TDRD5: variants seen among roughly 807,000 people sequenced by gnomAD.
TDRD5 encodes tudor domain containing 5.
A neutral mutation model predicts 120.6 loss-of-function variants in TDRD5; 41 were observed. The ratio of observed to expected loss-of-function variants is 0.34; its 90% confidence interval spans 0.26 to 0.44. The LOEUF (loss-of-function observed/expected upper bound fraction) is 0.44. Ranked by LOEUF, TDRD5 falls within the 20% of genes least tolerant of loss-of-function variation. TDRD5 has a pLI of 1.00. For synonymous variants in TDRD5, 430 were observed against 433.7 expected (o/e 0.99, Z 0.11); for missense variants, 1,006 against 1,221.2 (o/e 0.82, Z 2.63).
chr1:179,641,949 C>T (rs1306525651), intron 11 of TDRD5, among the ~76,000 whole-genome samples: 1 of 152,012 alleles, frequency 6.6e-6, no homozygotes, highest in African/African-American at 2.4e-5. Flanking sequence ...CATTTTATTT[C>T]CGATAAGTTT....
intron 4 of TDRD5, among the ~76,000 whole-genome samples, chr1:179,599,093 T>C (rs914157042): frequency 6.6e-6 from 1 of 152,152 alleles, no homozygotes; most frequent in African/African-American, 2.4e-5. Flanking sequence ...TTTGTCATGT[T>C]CTTTCTCCAT....
chr1:179,606,861 T>C (rs1302239481), intron 4 of TDRD5, among the ~76,000 whole-genome samples: 1 of 152,172 alleles, frequency 6.6e-6, no homozygotes, highest in Non-Finnish European at 1.5e-5. Flanking sequence ...TCAATAAGTC[T>C]TGAAGTTGGG....
intron 16 of TDRD5, among the ~76,000 whole-genome samples, chr1:179,667,656 A>C (rs1008175204): frequency 1.3e-5 from 2 of 152,240 alleles, no homozygotes; most frequent in African/African-American, 4.8e-5. Context: ...TAAACTTAAA[A>C]GGTAGTTCAA....
At chr1:179,680,592 A>G (rs760413462) in intron 17 of TDRD5, among the ~76,000 whole-genome samples, 3 of 152,196 alleles carry the variant, frequency 2.0e-5, no homozygotes, top group Non-Finnish European at 4.4e-5. Context: ...AGACACTCCA[A>G]ATTTCTTTTG....
At chr1:179,609,623 C>G (rs1316384350) in intron 4 of TDRD5, among the ~76,000 whole-genome samples, 4 of 152,162 alleles carry the variant, frequency 2.6e-5, no homozygotes, top group African/African-American at 9.6e-5. Flanking sequence ...CTGAGCAGAC[C>G]AAGACCTGCA....
At chr1:179,648,456 G>C (rs10047184) in intron 11 of TDRD5, among the ~76,000 whole-genome samples, 6 of 75,854 alleles carry the variant, frequency 7.9e-5, no homozygotes, top group East Asian at 5.8e-4. Context: ...GTGGGGTGGG[G>C]GGGGGGAGGG....
At chr1:179,600,105 A>C (rs1022509728) in intron 4 of TDRD5, among the ~76,000 whole-genome samples, 9 of 152,136 alleles carry the variant, frequency 5.9e-5, no homozygotes, top group African/African-American at 2.2e-4. Flanking sequence ...AGGTGATGAC[A>C]GCTCCATGCA....
At position 179,679,034 on chromosome 1, in the gene TDRD5, C is replaced by G. The variant is rs1474201365; in HGVS notation, c.2860+9630C>G. On this transcript the variant is annotated intron_variant, in intron 17 of 17. Transcript: ENST00000444136. ...ATGCTGTTGGTAGGCTAAGAAAGTT[C>G]CAATTTATTCCTAGATTTCTGATAG... 2.0e-5 allele frequency among the ~76,000 whole-genome samples: 3 copies of G among 152,090 alleles called. No individual in the cohort carries two copies. The East Asian group carries it at 5.8e-4, about 29-fold the overall frequency.
At chr1:179,669,702 C>T (rs1366471237) in intron 17 of TDRD5, among the ~76,000 whole-genome samples, 2 of 152,140 alleles carry the variant, frequency 1.3e-5, no homozygotes, top group African/African-American at 2.4e-5. Context: ...TTGATAGTCT[C>T]GTCATCACAG....
intron 6 of TDRD5, 81 bp downstream of exon 6, chr1:179,621,172 T>A: frequency 7.8e-7 from 1 of 1,278,204 alleles, no homozygotes. Flanking sequence ...GGCTACTCCT[T>A]GGATTCTCCA....
intron 11 of TDRD5, among the ~76,000 whole-genome samples, chr1:179,640,848 C>T (rs987301592): frequency 6.6e-6 from 1 of 152,064 alleles, no homozygotes; most frequent in Non-Finnish European, 1.5e-5. Flanking sequence ...TGAGCTACAG[C>T]GGGTGCATGG....
At chr1:179,668,294 GCA>G (rs555276678) in intron 16 of TDRD5, among the ~76,000 whole-genome samples, 24 of 152,244 alleles carry the variant, frequency 1.6e-4, no homozygotes, top group African/African-American at 4.3e-4. Context: ...ATGGCTAGCT[GCA>G]CACACACAGT....
chr1:179,613,506 G>A (rs1293504649), intron 4 of TDRD5, among the ~76,000 whole-genome samples: 2 of 152,196 alleles, frequency 1.3e-5, no homozygotes, highest in Non-Finnish European at 2.9e-5. Context: ...TGGGTGGCTT[G>A]TAAACAACAA....
chr1:179,638,005 A>G (rs1289440095), intron 9 of TDRD5, among the ~76,000 whole-genome samples: 1 of 152,246 alleles, frequency 6.6e-6, no homozygotes, highest in East Asian at 1.9e-4. Flanking sequence ...CAAGGCCAAC[A>G]TTAACAAAGG....
At position 179,690,845 on chromosome 1, in the gene TDRD5, C is replaced by T. The variant is rs1389771257; in HGVS notation, c.3010C>T (p.Arg1004Ter). The change falls in exon 18 of 18, where the codon CGA (arginine) becomes TGA (stop). Residue 1004 changes from arginine to a stop codon, truncating the protein, a stop_gained. Coordinates refer to ENST00000444136, the MANE Select transcript of TDRD5 (RefSeq NM_001199085.3). LOFTEE classifies it high-confidence loss of function. ...CQISQKLYIP[R>*]STATAALGAA... ...GATTTCTCAGAAGCTCTACATTCCT[C>T]GAAGTACAGCCACTGCTGCCTTAGG... 11 of 1,614,156 alleles carry T rather than the reference C, an allele frequency of 6.8e-6. No individual in the cohort carries two copies. The highest frequency in any genetic ancestry group is 8.5e-6 in the Non-Finnish European group (10 of 1,180,000).
intron 7 of TDRD5, among the ~76,000 whole-genome samples, chr1:179,632,201 C>T (rs1338816574): frequency 2.0e-5 from 3 of 152,124 alleles, no homozygotes; most frequent in East Asian, 1.9e-4. Flanking sequence ...ACACCACTCC[C>T]GGCCGTGACC....
chr1:179,618,746 G>A (rs1344639702), intron 5 of TDRD5, 64 bp downstream of exon 5: 4 of 1,231,826 alleles, frequency 3.2e-6, no homozygotes, highest in South Asian at 1.7e-5. Context: ...ATCATTTGTG[G>A]TTGAGTTTGT....
intron 11 of TDRD5, among the ~76,000 whole-genome samples, chr1:179,641,247 A>G (rs1215741796): frequency 1.3e-5 from 2 of 152,132 alleles, no homozygotes; most frequent in African/African-American, 4.8e-5. Flanking sequence ...AAAATTTTGT[A>G]AAGAAGAAAG....
intron 14 of TDRD5, among the ~76,000 whole-genome samples, chr1:179,655,591 TGCTTTGTAATCACAGTCTC>T (rs1046651567): frequency 6.6e-6 from 1 of 152,204 alleles, no homozygotes; most frequent in Non-Finnish European, 1.5e-5. Flanking sequence ...CTTGTGCTAC[TGCTTTGTAATCACAGTCTC>T]CCCACATCCC....
Sources: gnomAD v4.1 joint callset for allele counts (sites outside exome capture counted in the v4.1 genomes callset) on GRCh38, gnomAD v4.1.1 for gene constraint, MANE v1.5 for transcripts, NCBI Gene and HGNC (gene_info 2026-07-23, HGNC 2026-07-21) for gene names.